MNAT1: variants seen among roughly 807,000 people sequenced by gnomAD.
MNAT1 encodes MNAT1 component of CDK activating kinase.
MNAT1 carries 43 observed loss-of-function variants against 42.0 expected under a neutral mutation model. The observed-to-expected ratio is 1.02, with a 90% CI of 0.80 to 1.32. The LOEUF is 1.32. Among genes scored for constraint, MNAT1 ranks in the 40% most tolerant of loss-of-function variants. The pLI, the probability that MNAT1 is intolerant of heterozygous loss-of-function variation, is 0.00. For synonymous variants in MNAT1, 118 were observed against 120.0 expected (o/e 0.98, Z 0.11); for missense variants, 306 against 350.4 (o/e 0.87, Z 1.01).
At chr14:60,856,568 A>T (rs1310859828) in intron 6 of MNAT1, among the ~76,000 whole-genome samples, 2 of 152,196 alleles carry the variant, frequency 1.3e-5, no homozygotes, top group Admixed American at 6.5e-5. Context: ...GGATTTTTGT[A>T]GCTAAAGAGA....
intron 7 of MNAT1, among the ~76,000 whole-genome samples, chr14:60,940,299 C>G (rs1436867990): frequency 1.3e-5 from 2 of 152,208 alleles, no homozygotes; most frequent in Non-Finnish European, 2.9e-5. Flanking sequence ...TTATTTTGCT[C>G]ATTAGTTGAT....
chr14:60,826,031 A>C (rs1377538599), intron 6 of MNAT1, among the ~76,000 whole-genome samples: 1 of 152,190 alleles, frequency 6.6e-6, no homozygotes, highest in Non-Finnish European at 1.5e-5. Flanking sequence ...GAGAAAGTTG[A>C]AGGGTTCAAA....
At chr14:60,857,539 G>A (rs770330638) in intron 6 of MNAT1, among the ~76,000 whole-genome samples, 3 of 152,142 alleles carry the variant, frequency 2.0e-5, no homozygotes, top group Non-Finnish European at 4.4e-5. Flanking sequence ...AAAGGGTTTA[G>A]AATATTATAT....
At chr14:60,818,972 T>C in intron 6 of MNAT1, 125 bp downstream of exon 6, 1 of 1,097,710 alleles carries the variant, frequency 9.1e-7, no homozygotes, top group East Asian at 2.6e-5. Context: ...GATCTAGTTT[T>C]AGGTGTCTGG....
intron 5 of MNAT1, among the ~76,000 whole-genome samples, chr14:60,812,573 G>A (rs1175117422): frequency 6.6e-6 from 1 of 152,156 alleles, no homozygotes; most frequent in African/African-American, 2.4e-5. Context: ...CTCCTGTTTG[G>A]TGTGCTTTCC....
chr14:60,819,283 G>A (rs2032810090), intron 6 of MNAT1, among the ~76,000 whole-genome samples: 1 of 151,478 alleles, frequency 6.6e-6, no homozygotes, highest in South Asian at 2.1e-4. Flanking sequence ...ATTAATTTGG[G>A]TTTCAAAAAA....
intron 3 of MNAT1, among the ~76,000 whole-genome samples, chr14:60,806,422 G>C (rs895878249): frequency 6.6e-6 from 1 of 152,194 alleles, no homozygotes; most frequent in Non-Finnish European, 1.5e-5. Context: ...GGAAAGTGTA[G>C]GGGCATACAA....
chr14:60,879,973 C>G (rs1211291192), intron 7 of MNAT1, 138 bp downstream of exon 7: 1 of 869,124 alleles, frequency 1.2e-6, no homozygotes, highest in Non-Finnish European at 1.6e-6. Context: ...TACTCAATAC[C>G]AAATTGTTTT....
intron 1 of MNAT1, among the ~76,000 whole-genome samples, chr14:60,773,726 G>A (rs1479054738): frequency 1.3e-5 from 2 of 152,146 alleles, no homozygotes; most frequent in Non-Finnish European, 2.9e-5. Flanking sequence ...TCTTATGTTT[G>A]AAGCAGGTGG....
chr14:60,838,276 C>T (rs1419743242), intron 6 of MNAT1, among the ~76,000 whole-genome samples: 1 of 151,982 alleles, frequency 6.6e-6, no homozygotes, highest in Non-Finnish European at 1.5e-5. Context: ...GCTGGGACTA[C>T]AGGAGGGCAC....
At chr14:60,887,979 C>G (rs1024106503) in intron 7 of MNAT1, among the ~76,000 whole-genome samples, 1 of 149,920 alleles carries the variant, frequency 6.7e-6, no homozygotes, top group African/African-American at 2.5e-5. Context: ...CAAAAAGAGT[C>G]CAGGACCAGA....
chr14:60,737,060 C>T (rs1471492090), intron 1 of MNAT1, among the ~76,000 whole-genome samples: 2 of 152,094 alleles, frequency 1.3e-5, no homozygotes, highest in African/African-American at 4.8e-5. Flanking sequence ...AATATGAACT[C>T]TTTAGCATGT....
intron 6 of MNAT1, among the ~76,000 whole-genome samples, chr14:60,838,387 C>G (rs1008786158): frequency 1.3e-5 from 2 of 152,150 alleles, no homozygotes; most frequent in Non-Finnish European, 2.9e-5. Context: ...ATCTTCCCAC[C>G]TGGCAAAGTG....
At chr14:60,763,950 T>C (rs1486631577) in intron 1 of MNAT1, among the ~76,000 whole-genome samples, 1 of 152,224 alleles carries the variant, frequency 6.6e-6, no homozygotes, top group African/African-American at 2.4e-5. Flanking sequence ...TTCAGAGATA[T>C]AGTCACATGG....
intron 1 of MNAT1, among the ~76,000 whole-genome samples, chr14:60,753,373 T>C (rs576810685): frequency 3.9e-5 from 6 of 152,304 alleles, no homozygotes; most frequent in African/African-American, 1.2e-4. Flanking sequence ...GTATTCACAG[T>C]ATGCAAAACC....
intron 5 of MNAT1, among the ~76,000 whole-genome samples, chr14:60,812,351 T>G (rs938442433): frequency 1.3e-5 from 2 of 152,234 alleles, no homozygotes; most frequent in African/African-American, 2.4e-5. Flanking sequence ...TTCTGTGGGT[T>G]AGGAATTTAA....
At chr14:60,915,542 T>C (rs1006951389) in intron 7 of MNAT1, among the ~76,000 whole-genome samples, 1 of 152,174 alleles carries the variant, frequency 6.6e-6, no homozygotes, top group Non-Finnish European at 1.5e-5. Context: ...CTACCCTATC[T>C]AGGGCTACGG....
At position 60,809,743 on chromosome 14, in the gene MNAT1, T is replaced by C. The variant is rs568654003; in HGVS notation, c.420+1315T>C. 5.9e-5 allele frequency among the ~76,000 whole-genome samples: 9 copies of C among 152,222 alleles called. No individual in the cohort carries two copies. The East Asian group carries it at 1.2e-3, about 20-fold the overall frequency. Reference sequence around the variant, plus strand: ...GTTGTATGATCCTTTTAATGTGCAGTTGGATTCAGTTTATAAGTATTTTGT... The same window carrying C: ...GTTGTATGATCCTTTTAATGTGCAGCTGGATTCAGTTTATAAGTATTTTGT... On this transcript the variant is annotated intron_variant, in intron 4 of 7. Coordinates refer to ENST00000261245, the MANE Select transcript of MNAT1 (RefSeq NM_002431.4).
chr14:60,815,619 T>C (rs536479851), intron 5 of MNAT1, among the ~76,000 whole-genome samples: 2 of 152,350 alleles, frequency 1.3e-5, no homozygotes, highest in East Asian at 3.9e-4. Flanking sequence ...GATGTGAAAC[T>C]ACCATTGTTG....
Sources: gnomAD v4.1 joint callset for allele counts (sites outside exome capture counted in the v4.1 genomes callset) on GRCh38, gnomAD v4.1.1 for gene constraint, MANE v1.5 for transcripts, NCBI Gene and HGNC (gene_info 2026-07-23, HGNC 2026-07-21) for gene names.